The following C1orf105 variants were observed in gnomAD, a reference collection of about 807,000 sequenced individuals.
The protein encoded by C1orf105 is uncharacterized protein C1orf105.
Under a neutral mutation model 20.8 loss-of-function variants are expected in C1orf105, and 17 were observed. The observed-to-expected ratio is 0.82, with a 90% CI of 0.56 to 1.23. The LOEUF (loss-of-function observed/expected upper bound fraction) is 1.23. Among genes scored for constraint, C1orf105 ranks in the 50% most tolerant of loss-of-function variants. C1orf105 has a pLI of 0.00. For synonymous variants in C1orf105, 72 were observed against 72.1 expected, an observed-to-expected ratio of 1.00 and a Z score of 0.01; for missense variants, 219 against 213.5, an observed-to-expected ratio of 1.03 and a Z score of -0.16.
rs750813454 is a variant in C1orf105, at chr1:172,445,178, G to A, written c.107+20G>A. 2.5e-6 allele frequency: 4 copies of A among 1,584,420 alleles called. No homozygotes were observed. Among genetic ancestry groups the A allele is most frequent in the African/African-American group, 2.7e-5 (2 of 73,746 alleles). On this transcript the variant is annotated intron_variant, in intron 2 of 6. Coordinates refer to ENST00000367727, the MANE Select transcript of C1orf105 (RefSeq NM_139240.4). ...CAGAAGGTAACCTCTCAGCCACCGA[G>A]GGCAAAAGTTTTACGAAACATCTCA...
chr1:172,466,821 G>A (rs1223506780), intron 6 of C1orf105, among the ~76,000 whole-genome samples: 1 of 152,158 alleles, frequency 6.6e-6, no homozygotes, highest in Admixed American at 6.5e-5. Context: ...GTTCATCCTA[G>A]AACAGTAATC....
At chr1:172,459,729 T>A (rs577969216) in intron 4 of C1orf105, among the ~76,000 whole-genome samples, 2 of 152,238 alleles carry the variant, frequency 1.3e-5, no homozygotes, top group African/African-American at 4.8e-5. Context: ...TAAAAACATA[T>A]TCACACACAA....
chr1:172,445,544 A>G (rs1647890980), intron 2 of C1orf105, among the ~76,000 whole-genome samples: 2 of 152,250 alleles, frequency 1.3e-5, no homozygotes, highest in South Asian at 4.1e-4. Flanking sequence ...TTTATAGAAT[A>G]GTAACTCTGT....
chr1:172,453,965 G>C (rs918226933), intron 3 of C1orf105, among the ~76,000 whole-genome samples: 2 of 152,142 alleles, frequency 1.3e-5, no homozygotes, highest in Non-Finnish European at 2.9e-5. Context: ...ATGGGACTCT[G>C]TACTCACATT....
At chr1:172,430,210 A>G in intron 1 of C1orf105, 1 of 635,984 alleles carries the variant, frequency 1.6e-6, no homozygotes, top group Non-Finnish European at 2.8e-6. Context: ...TAAATATAAG[A>G]GACTGACTAG....
At chr1:172,446,459 C>T (rs762974671) in intron 2 of C1orf105, among the ~76,000 whole-genome samples, 10 of 152,206 alleles carry the variant, frequency 6.6e-5, no homozygotes, top group Admixed American at 1.3e-4. Flanking sequence ...CCCACCCCCA[C>T]GCCAGCAGTG....
At chr1:172,443,511 T>C (rs1485199343) in intron 1 of C1orf105, 1 of 167,074 alleles carries the variant, frequency 6.0e-6, no homozygotes, top group Non-Finnish European at 1.5e-5. Flanking sequence ...GAGCTATCAA[T>C]CTACTCAAAA....
chr1:172,451,963 C>T (rs1648700746), intron 3 of C1orf105, among the ~76,000 whole-genome samples: 1 of 149,410 alleles, frequency 6.7e-6, no homozygotes, highest in South Asian at 2.1e-4. Flanking sequence ...ACCTCCGCCT[C>T]CCAGGTTCAA....
At chr1:172,430,747 A>G (rs1238346868) in intron 1 of C1orf105, among the ~76,000 whole-genome samples, 3 of 152,180 alleles carry the variant, frequency 2.0e-5, no homozygotes, top group African/African-American at 7.2e-5. Flanking sequence ...AGCCAGATAC[A>G]GCATTTTTTA....
At chr1:172,468,162 G>T (rs970748320) in intron 6 of C1orf105, among the ~76,000 whole-genome samples, 1 of 152,046 alleles carries the variant, frequency 6.6e-6, no homozygotes, top group Admixed American at 6.6e-5. Flanking sequence ...TAATACTTGA[G>T]TTTTGTTTCT....
chr1:172,464,808 G>C (rs1403401483), intron 5 of C1orf105, among the ~76,000 whole-genome samples: 1 of 152,130 alleles, frequency 6.6e-6, no homozygotes, highest in Non-Finnish European at 1.5e-5. Context: ...GTAGTCCTTG[G>C]ATCAATCATC....
At chr1:172,441,495 A>C in intron 1 of C1orf105, 1 of 388,002 alleles carries the variant, frequency 2.6e-6, no homozygotes, top group South Asian at 7.7e-5. Flanking sequence ...ACATCACTTC[A>C]TATGTTACAG....
chr1:172,448,948 G>A (rs1207098731), intron 3 of C1orf105, among the ~76,000 whole-genome samples: 2 of 152,152 alleles, frequency 1.3e-5, no homozygotes, highest in Non-Finnish European at 2.9e-5. Context: ...CCTCCACCAT[G>A]ACCGGCTGCC....
intron 5 of C1orf105, among the ~76,000 whole-genome samples, chr1:172,463,813 T>C (rs996059871): frequency 1.3e-5 from 2 of 152,202 alleles, no homozygotes; most frequent in African/African-American, 4.8e-5. Context: ...ATTAAACCAG[T>C]TCTAAAATCA....
At chr1:172,428,336 T>C (rs199798708) in intron 1 of C1orf105, among the ~76,000 whole-genome samples, 9 of 152,310 alleles carry the variant, frequency 5.9e-5, no homozygotes, top group East Asian at 3.9e-4. Flanking sequence ...TTTCAAAATA[T>C]GTATCTTCTT....
chr1:172,446,952 T>C (rs1206158935), intron 2 of C1orf105, among the ~76,000 whole-genome samples: 1 of 152,228 alleles, frequency 6.6e-6, no homozygotes, highest in African/African-American at 2.4e-5. Context: ...ATCTTAATTC[T>C]TGTTTAGAAA....
rs1456549450 is a variant in C1orf105, at chr1:172,468,657, T to C, written c.*63T>C. The C allele has an allele frequency of 9.9e-6, 15 of 1,518,820 alleles. No individual in the cohort carries two copies. The Admixed American group carries it at 2.5e-4, about 25-fold the overall frequency. The allele number at this position is 1,518,820 out of a possible 1,614,324, so 94.1% of individuals were successfully genotyped here. ...AAAATAACCTCGCCAAGCCAATCTT[T>C]GACACTGGCACCTTCTCCTCACAAT... On this transcript the variant is annotated 3_prime_UTR_variant, in exon 7 of 7. Coordinates refer to ENST00000367727, the MANE Select transcript of C1orf105 (RefSeq NM_139240.4).
intron 3 of C1orf105, among the ~76,000 whole-genome samples, chr1:172,450,127 T>G (rs1648451866): frequency 6.6e-6 from 1 of 152,206 alleles, no homozygotes; most frequent in African/African-American, 2.4e-5. Flanking sequence ...AGCTTCCAGC[T>G]GCGCAGCCCA....
At chr1:172,429,288 T>C (rs557836072) in intron 1 of C1orf105, among the ~76,000 whole-genome samples, 124 of 152,202 alleles carry the variant, frequency 8.1e-4, no homozygotes, top group African/African-American at 2.7e-3. Flanking sequence ...ACAACGTGCA[T>C]AGCACGTTAC....
Sources: allele counts gnomAD v4.1 joint callset (sites outside exome capture counted in the v4.1 genomes callset), GRCh38; gene constraint gnomAD v4.1.1; transcripts MANE v1.5; gene names NCBI Gene and HGNC (gene_info 2026-07-23, HGNC 2026-07-21).